Variants in GFRAL observed in about 807,000 individuals in gnomAD.
GFRAL encodes GDNF family receptor alpha like.
GFRAL carries 36 observed loss-of-function variants against 45.4 expected under a neutral mutation model. That is an observed-to-expected ratio of 0.79 (90% confidence interval 0.61 to 1.05). The LOEUF (loss-of-function observed/expected upper bound fraction) is 1.05. Ranked by LOEUF, GFRAL falls within the 50% of genes least tolerant of loss-of-function variation. The pLI is 0.00. For missense variants in GFRAL, 507 were observed against 467.5 expected (o/e 1.08, Z -0.78); for synonymous variants, 166 against 154.1 (o/e 1.08, Z -0.57).
At chr6:55,330,708 T>C (rs142953197) in intron 1 of GFRAL, among the ~76,000 whole-genome samples, 297 of 151,994 alleles carry the variant, frequency 2.0e-3, no homozygotes, top group African/African-American at 6.8e-3. Flanking sequence ...AGCCCTGATA[T>C]GAGAAATAGT....
chr6:55,332,040 G>T (rs1248979058), intron 2 of GFRAL, among the ~76,000 whole-genome samples, 191 bp downstream of exon 2: 1 of 152,004 alleles, frequency 6.6e-6, no homozygotes, highest in African/African-American at 2.4e-5. Context: ...AATTACTAAA[G>T]AGCTTTAATT....
chr6:55,381,353 C>A (rs1227459394), intron 6 of GFRAL, among the ~76,000 whole-genome samples: 6 of 151,878 alleles, frequency 4.0e-5, no homozygotes, highest in Non-Finnish European at 8.8e-5. Context: ...AGCCATACTT[C>A]TCACCCATCT....
chr6:55,356,587 G>A (rs2127356629), intron 5 of GFRAL, among the ~76,000 whole-genome samples: 1 of 151,844 alleles, frequency 6.6e-6, no homozygotes, highest in African/African-American at 2.4e-5. Context: ...CATTTATTGA[G>A]GTCTTCTGTT....
At chr6:55,376,951 T>C (rs970271741) in intron 6 of GFRAL, among the ~76,000 whole-genome samples, 10 of 152,104 alleles carry the variant, frequency 6.6e-5, no homozygotes, top group African/African-American at 2.4e-4. Context: ...GTCGGCTTTT[T>C]CAATGTTAGG....
chr6:55,334,607 T>G (rs1456533653), intron 3 of GFRAL, among the ~76,000 whole-genome samples: 1 of 152,124 alleles, frequency 6.6e-6, no homozygotes, highest in Non-Finnish European at 1.5e-5. Flanking sequence ...TATCACAGAG[T>G]GCTCAATTCT....
intron 3 of GFRAL, among the ~76,000 whole-genome samples, chr6:55,335,671 C>T (rs1462021387): frequency 6.6e-6 from 1 of 152,018 alleles, no homozygotes; most frequent in Non-Finnish European, 1.5e-5. Flanking sequence ...ATTGTTCCAC[C>T]CACATTTGTG....
chr6:55,336,611 C>T (rs1253901216), intron 3 of GFRAL, among the ~76,000 whole-genome samples: 1 of 152,076 alleles, frequency 6.6e-6, no homozygotes, highest in African/African-American at 2.4e-5. Context: ...TTGCTAAATG[C>T]AATTATTCTA....
intron 6 of GFRAL, among the ~76,000 whole-genome samples, chr6:55,372,152 C>T (rs149983835): frequency 2.0e-5 from 3 of 152,274 alleles, no homozygotes; most frequent in Non-Finnish European, 4.4e-5. Context: ...ACCTTAGCTC[C>T]TATTCCTCTG....
rs1378736259 is a variant in GFRAL at position 55,359,034 on chromosome 6, T to C, written c.848T>C (p.Leu283Pro). Residue 283 changes from leucine to proline, a missense_variant, in exon 6 of 9, where the codon CTT becomes CCT. Leu to Pro is a moderately conservative substitution (Grantham distance 98). Coordinates refer to ENST00000340465, the MANE Select transcript of GFRAL (RefSeq NM_207410.2). ...DDCKAAYIDI[L>P]GTVLQVQCTC... ...TGCAAAGCTGCTTACATAGATATCC[T>C]TGGGACGGTCCTTCAAGTGCAATGT... The C allele has an allele frequency of 5.6e-6, 9 of 1,613,012 alleles. No homozygotes were observed. The highest frequency in any genetic ancestry group is 7.6e-6 in the Non-Finnish European group (9 of 1,179,350).
intron 8 of GFRAL, among the ~76,000 whole-genome samples, chr6:55,400,390 T>G (rs1768880862): frequency 6.6e-6 from 1 of 152,152 alleles, no homozygotes; most frequent in Admixed American, 6.5e-5. Flanking sequence ...CTAGAAAGAT[T>G]AATTCAGTCA....
intron 6 of GFRAL, among the ~76,000 whole-genome samples, chr6:55,371,886 A>G (rs1478366225): frequency 1.3e-5 from 2 of 152,166 alleles, no homozygotes; most frequent in African/African-American, 2.4e-5. Flanking sequence ...CATTAGCACC[A>G]TGTCTTTTCC....
At chr6:55,337,963 C>T (rs192767009) in intron 3 of GFRAL, among the ~76,000 whole-genome samples, 15 of 152,246 alleles carry the variant, frequency 9.9e-5, no homozygotes, top group Admixed American at 7.8e-4. Flanking sequence ...GCATTTAATA[C>T]TATGAATTTC....
intron 6 of GFRAL, 114 bp from the exon 7 acceptor site, chr6:55,399,066 A>T: frequency 3.6e-6 from 2 of 551,200 alleles, no homozygotes; most frequent in Non-Finnish European, 6.3e-6. Context: ...CTATCAGATT[A>T]AAATAATGTA....
intron 1 of GFRAL, among the ~76,000 whole-genome samples, chr6:55,330,573 A>G (rs540246807): frequency 1.3e-5 from 2 of 152,298 alleles, no homozygotes; most frequent in Admixed American, 1.3e-4. Context: ...ATTCCAGAAG[A>G]AAAAGAAAGA....
intron 3 of GFRAL, among the ~76,000 whole-genome samples, chr6:55,344,704 G>T (rs1051197594): frequency 6.6e-6 from 1 of 152,188 alleles, no homozygotes; most frequent in Admixed American, 6.5e-5. Flanking sequence ...AATCAGGCAG[G>T]AGAAAGAAAT....
chr6:55,372,339 AAGG>A (rs1290095649), intron 6 of GFRAL, among the ~76,000 whole-genome samples: 3 of 152,126 alleles, frequency 2.0e-5, no homozygotes, highest in Admixed American at 6.6e-5. Context: ...TACAATCTTC[AAGG>A]AGACCTCTTT....
intron 5 of GFRAL, among the ~76,000 whole-genome samples, chr6:55,357,896 AT>A (rs1768217758): frequency 6.6e-6 from 1 of 151,734 alleles, no homozygotes; most frequent in Non-Finnish European, 1.5e-5. Context: ...ATGACAATCA[AT>A]ACTTCCAAAA....
intron 2 of GFRAL, among the ~76,000 whole-genome samples, chr6:55,332,341 C>T (rs1212977336): frequency 1.3e-5 from 2 of 151,996 alleles, no homozygotes; most frequent in Non-Finnish European, 2.9e-5. Context: ...TTAACTTGGC[C>T]TACCTTCCAA....
chr6:55,342,358 G>A (rs1321388944), intron 3 of GFRAL, among the ~76,000 whole-genome samples: 1 of 152,130 alleles, frequency 6.6e-6, no homozygotes, highest in Non-Finnish European at 1.5e-5. Context: ...GAAGAGAGTG[G>A]GGACCAATAT....
Sources: gnomAD v4.1 joint callset for allele counts (sites outside exome capture counted in the v4.1 genomes callset) on GRCh38, gnomAD v4.1.1 for gene constraint, MANE v1.5 for transcripts, NCBI Gene and HGNC (gene_info 2026-07-23, HGNC 2026-07-21) for gene names.